The following RNF150 variants were observed in gnomAD, a reference collection of about 807,000 sequenced individuals.
RNF150 encodes the protein ring finger protein 150.
A neutral mutation model predicts 39.3 loss-of-function variants in RNF150; 24 were observed. The observed-to-expected ratio is 0.61, with a 90% CI of 0.44 to 0.86. The LOEUF (loss-of-function observed/expected upper bound fraction) is 0.86, where lower values mean the gene tolerates loss of function less well. RNF150 is among the 40% of genes least tolerant of loss of function. The probability of loss-of-function intolerance (pLI) is 0.00; values close to 1 mark genes in which losing one functional copy is unlikely to be tolerated. For synonymous variants in RNF150, 255 were observed against 227.3 expected (o/e 1.12, Z -1.10); for missense variants, 502 against 587.8 (o/e 0.85, Z 1.51).
intron 1 of RNF150, among the ~76,000 whole-genome samples, chr4:141,094,292 A>C (rs1359339741): frequency 6.6e-6 from 1 of 152,242 alleles, no homozygotes; most frequent in Non-Finnish European, 1.5e-5. Context: ...CACAAAGGGA[A>C]GATATTGAAA....
At chr4:141,130,635 T>C (rs1186325213) in intron 1 of RNF150, among the ~76,000 whole-genome samples, 1 of 152,238 alleles carries the variant, frequency 6.6e-6, no homozygotes, top group African/African-American at 2.4e-5. Context: ...CAAGATTTCA[T>C]GCATATGCAC....
chr4:140,954,796 C>T (rs1211856250), intron 2 of RNF150, among the ~76,000 whole-genome samples: 2 of 152,044 alleles, frequency 1.3e-5, no homozygotes, highest in African/African-American at 4.8e-5. Flanking sequence ...AGAAATTTTC[C>T]TCTTCCTCTG....
At chr4:141,054,028 T>A (rs1296143463) in intron 1 of RNF150, among the ~76,000 whole-genome samples, 1 of 152,204 alleles carries the variant, frequency 6.6e-6, no homozygotes, top group Non-Finnish European at 1.5e-5. Flanking sequence ...GTGAAATATT[T>A]CAAATGAATA....
chr4:141,176,483 T>A (rs1460727091), intron 1 of RNF150, among the ~76,000 whole-genome samples: 1 of 152,178 alleles, frequency 6.6e-6, no homozygotes, highest in Admixed American at 6.5e-5. Context: ...GCTTTGTTAC[T>A]TTTTTTAAAT....
intron 6 of RNF150, among the ~76,000 whole-genome samples, chr4:140,886,891 C>A (rs1729596140): frequency 6.6e-6 from 1 of 152,176 alleles, no homozygotes; most frequent in South Asian, 2.1e-4. Context: ...AAGTTGCTAG[C>A]ATTTACTCCT....
At chr4:140,981,618 T>A (rs1733862591) in intron 1 of RNF150, among the ~76,000 whole-genome samples, 1 of 152,172 alleles carries the variant, frequency 6.6e-6, no homozygotes, top group Non-Finnish European at 1.5e-5. Context: ...ATAATGTGTT[T>A]GGGGTAACTA....
At chr4:140,974,524 A>G (rs1344878380) in intron 1 of RNF150, among the ~76,000 whole-genome samples, 2 of 152,206 alleles carry the variant, frequency 1.3e-5, no homozygotes, top group African/African-American at 2.4e-5. Flanking sequence ...GCAAAGGAGT[A>G]TAACTGCTAG....
At chr4:141,081,379 G>A (rs1425512181) in intron 1 of RNF150, among the ~76,000 whole-genome samples, 1 of 152,128 alleles carries the variant, frequency 6.6e-6, no homozygotes, top group Non-Finnish European at 1.5e-5. Flanking sequence ...GGAAATAAAT[G>A]AGGCAAAAAG....
intron 4 of RNF150, among the ~76,000 whole-genome samples, chr4:140,927,881 T>A (rs148069103): frequency 0.024 from 3,706 of 151,962 alleles, 229 homozygotes; most frequent in African/African-American, 0.084. Flanking sequence ...ACTCCTGACC[T>A]CAAGTGATCT....
intron 1 of RNF150, among the ~76,000 whole-genome samples, chr4:140,989,099 T>C (rs1734109330): frequency 6.6e-6 from 1 of 152,176 alleles, no homozygotes; most frequent in African/African-American, 2.4e-5. Context: ...AGCTTCATTG[T>C]AGTTAAAACC....
chr4:141,049,335 A>C (rs112120127), intron 1 of RNF150, among the ~76,000 whole-genome samples: 18 of 152,112 alleles, frequency 1.2e-4, no homozygotes, highest in African/African-American at 3.8e-4. Flanking sequence ...GACATACTCA[A>C]GAGGAAAATG....
intron 1 of RNF150, among the ~76,000 whole-genome samples, chr4:141,181,256 A>C (rs1727904216): frequency 6.6e-6 from 1 of 152,202 alleles, no homozygotes; most frequent in Non-Finnish European, 1.5e-5. Context: ...AAAGAAAAAA[A>C]TGGACAGATG....
intron 2 of RNF150, among the ~76,000 whole-genome samples, chr4:140,966,152 T>A (rs2111418961): frequency 6.6e-6 from 1 of 152,058 alleles, no homozygotes; most frequent in African/African-American, 2.4e-5. Flanking sequence ...CTGGCCAACA[T>A]AGTGAAAACC....
Position 141,133,138 on chromosome 4 carries a change from A to G in RNF150, c.-330T>C. The G allele has an allele frequency of 3.5e-6, 1 of 281,840 alleles. No homozygotes were observed. Among genetic ancestry groups the G allele is most frequent in the East Asian group, 1.2e-4 (1 of 8,476 alleles). The allele number at this position is 281,840 out of a possible 1,614,324, so 17.5% of individuals were successfully genotyped here. A position where few individuals can be genotyped will look rare whatever the true frequency, so the allele number is the denominator to read the frequency against. ...CCTTCGCCCGGCTTCGCCTTCTCTC[A>G]TAAGGGTGGCCGGGGGCCCACGAAC... On this transcript the variant is annotated 5_prime_UTR_variant, in exon 1 of 7. The change abolishes an upstream ATG in the 5' untranslated region. Coordinates refer to ENST00000515673, the MANE Select transcript of RNF150 (RefSeq NM_020724.2).
At chr4:141,058,931 G>C (rs1352089987) in intron 1 of RNF150, among the ~76,000 whole-genome samples, 1 of 152,178 alleles carries the variant, frequency 6.6e-6, no homozygotes, top group Non-Finnish European at 1.5e-5. Context: ...AAATGAATAA[G>C]TGGTTGGCTG....
intron 1 of RNF150, among the ~76,000 whole-genome samples, chr4:141,161,370 CT>C: frequency 6.6e-6 from 1 of 152,264 alleles, no homozygotes; most frequent in Admixed American, 6.5e-5. Context: ...TTCTAACAAC[CT>C]ATGCACATGT....
chr4:140,946,688 T>G (rs1023493760), intron 4 of RNF150, among the ~76,000 whole-genome samples: 5 of 152,184 alleles, frequency 3.3e-5, no homozygotes, highest in Admixed American at 2.6e-4. Flanking sequence ...TTTTTTTTTG[T>G]AGAGACAGAG....
chr4:140,961,408 T>C (rs1033929062), intron 2 of RNF150, among the ~76,000 whole-genome samples: 2 of 152,166 alleles, frequency 1.3e-5, no homozygotes, highest in African/African-American at 2.4e-5. Flanking sequence ...CTCTTTCATA[T>C]ACCTGAATGG....
intron 1 of RNF150, among the ~76,000 whole-genome samples, chr4:141,150,345 T>C (rs887140878): frequency 8.5e-5 from 13 of 152,192 alleles, no homozygotes; most frequent in African/African-American, 3.1e-4. Flanking sequence ...CATACTCATA[T>C]CCAATGTCTC....
Sources: gnomAD v4.1 joint callset for allele counts (sites outside exome capture counted in the v4.1 genomes callset) on GRCh38, gnomAD v4.1.1 for gene constraint, MANE v1.5 for transcripts, NCBI Gene and HGNC (gene_info 2026-07-23, HGNC 2026-07-21) for gene names.